SLC8A3: variants seen among roughly 807,000 people sequenced by gnomAD.
The protein encoded by SLC8A3 is solute carrier family 8 member A3.
SLC8A3 carries 37 observed loss-of-function variants against 65.4 expected under a neutral mutation model. That is an observed-to-expected ratio of 0.57 (90% confidence interval 0.44 to 0.74). SLC8A3 has a LOEUF of 0.74. SLC8A3 is among the 30% of genes least tolerant of loss of function. SLC8A3 has a pLI of 0.00. For missense variants in SLC8A3, 1,112 were observed against 1,172.1 expected (o/e 0.95, Z 0.75); for synonymous variants, 461 against 444.5 (o/e 1.04, Z -0.47).
chr14:70,185,880 C>T (rs910512281), intron 1 of SLC8A3, among the ~76,000 whole-genome samples: 7 of 152,196 alleles, frequency 4.6e-5, no homozygotes, highest in African/African-American at 1.7e-4. Context: ...ATTTTATTTG[C>T]ATCTGGACTT....
chr14:70,170,191 T>A (rs575749890), intron 1 of SLC8A3, among the ~76,000 whole-genome samples: 1 of 152,268 alleles, frequency 6.6e-6, no homozygotes, highest in South Asian at 2.1e-4. Flanking sequence ...AAAGACCAAA[T>A]TCTTTCCCAT....
At chr14:70,132,931 G>A (rs924712812) in intron 2 of SLC8A3, among the ~76,000 whole-genome samples, 9 of 152,014 alleles carry the variant, frequency 5.9e-5, no homozygotes, top group African/African-American at 2.2e-4. Context: ...CCTGCCTATG[G>A]TAACATCCTT....
intron 2 of SLC8A3, among the ~76,000 whole-genome samples, chr14:70,078,467 A>G (rs542941148): frequency 1.3e-5 from 2 of 152,324 alleles, no homozygotes; most frequent in African/African-American, 4.8e-5. Flanking sequence ...TCACTTAGTC[A>G]TACAACATCC....
chr14:70,177,007 C>G (rs1897948749), intron 1 of SLC8A3, among the ~76,000 whole-genome samples: 1 of 152,120 alleles, frequency 6.6e-6, no homozygotes, highest in Non-Finnish European at 1.5e-5. Context: ...TGTATGAAAC[C>G]CAGCTTATGT....
chr14:70,132,106 T>C (rs921624948), intron 2 of SLC8A3, among the ~76,000 whole-genome samples: 13 of 152,358 alleles, frequency 8.5e-5, no homozygotes, highest in African/African-American at 1.4e-4. Context: ...AGCCCTTGGC[T>C]CTTTCTGTGG....
intron 2 of SLC8A3, among the ~76,000 whole-genome samples, chr14:70,077,522 TG>T (rs964063239): frequency 7.9e-5 from 12 of 152,112 alleles, no homozygotes; most frequent in African/African-American, 2.9e-4. Flanking sequence ...TTTATCTCCA[TG>T]GGGGTATGTG....
At chr14:70,055,300 A>G (rs1212639176) in intron 3 of SLC8A3, among the ~76,000 whole-genome samples, 1 of 152,204 alleles carries the variant, frequency 6.6e-6, no homozygotes, top group Non-Finnish European at 1.5e-5. Context: ...GAAGATCTCC[A>G]GGACTGGTAA....
intron 2 of SLC8A3, among the ~76,000 whole-genome samples, chr14:70,094,515 T>TG (rs1304077299): frequency 6.6e-6 from 1 of 152,238 alleles, no homozygotes; most frequent in African/African-American, 2.4e-5. Context: ...AAAGAAATCT[T>TG]GGGGGAAGAA....
chr14:70,170,396 C>T (rs1594800606), intron 1 of SLC8A3, among the ~76,000 whole-genome samples: 1 of 152,330 alleles, frequency 6.6e-6, no homozygotes, highest in East Asian at 1.9e-4. Flanking sequence ...CTTCTTTGCA[C>T]TCCCCACTCT....
intron 2 of SLC8A3, among the ~76,000 whole-genome samples, chr14:70,134,045 T>C (rs1272845228): frequency 6.6e-6 from 1 of 152,194 alleles, no homozygotes; most frequent in Non-Finnish European, 1.5e-5. Context: ...TCAATTTGCT[T>C]TTGGGCACTT....
At chr14:70,158,476 A>G (rs1324827192) in intron 2 of SLC8A3, among the ~76,000 whole-genome samples, 1 of 152,242 alleles carries the variant, frequency 6.6e-6, no homozygotes, top group Non-Finnish European at 1.5e-5. Flanking sequence ...TTTGTTTTGC[A>G]GCCATATTTG....
At chr14:70,177,737 G>A (rs1037482746) in intron 1 of SLC8A3, among the ~76,000 whole-genome samples, 2 of 152,212 alleles carry the variant, frequency 1.3e-5, no homozygotes, top group Non-Finnish European at 2.9e-5. Context: ...TGTGTGCCTG[G>A]CCAAGGAATG....
chr14:70,182,147 C>T (rs1161713834), intron 1 of SLC8A3, among the ~76,000 whole-genome samples: 1 of 152,010 alleles, frequency 6.6e-6, no homozygotes, highest in Non-Finnish European at 1.5e-5. Flanking sequence ...TTGGAGGTTT[C>T]GAGCCAGGGT....
intron 2 of SLC8A3, among the ~76,000 whole-genome samples, chr14:70,098,511 G>A: frequency 6.6e-6 from 1 of 152,200 alleles, no homozygotes; most frequent in East Asian, 1.9e-4. Context: ...AGAGGGCAGG[G>A]AAGCAGGTGG....
chr14:70,180,576 C>T (rs370640931), intron 1 of SLC8A3, among the ~76,000 whole-genome samples: 1 of 152,188 alleles, frequency 6.6e-6, no homozygotes, highest in South Asian at 2.1e-4. Flanking sequence ...AGGATTCTTC[C>T]TGTCTCACTG....
intron 3 of SLC8A3, among the ~76,000 whole-genome samples, chr14:70,057,668 A>C (rs1268670063): frequency 1.3e-5 from 2 of 152,180 alleles, no homozygotes. Context: ...CAATACCTCG[A>C]GGGTGTTTTT....
At position 70,150,983 on chromosome 14, in the gene SLC8A3, G is replaced by A. The variant is rs377500985; in HGVS notation, c.1784+15656C>T. 4.3e-4 allele frequency among the ~76,000 whole-genome samples: 65 copies of A among 152,300 alleles called. No individual in the cohort carries two copies. The South Asian group carries it at 0.011, about 26-fold the overall frequency. On this transcript the variant is annotated intron_variant, in intron 2 of 6. Transcript: ENST00000356921. Reference sequence around the variant, plus strand: ...GTTTAAGAACTATCTGGCCAGGCGCGGTAGCTCATGCCTGTAATCCCCGCA... The same window carrying A: ...GTTTAAGAACTATCTGGCCAGGCGCAGTAGCTCATGCCTGTAATCCCCGCA...
rs911097210 is a variant in SLC8A3, at chr14:70,135,418, T to C, written c.1784+31221A>G. Among the ~76,000 whole-genome samples the C allele has an allele frequency of 9.1e-4, 138 of 152,316 alleles. 1 individual carries two copies. Among genetic ancestry groups the C allele is most frequent in the African/African-American group, 3.2e-3 (131 of 41,572 alleles). On this transcript the variant is annotated intron_variant, in intron 2 of 6. Coordinates refer to ENST00000356921, the MANE Select transcript of SLC8A3 (RefSeq NM_182932.3). Reference sequence around the variant, plus strand: ...ATATCCAAAAGAAAGGAAATCAGTATGTTGAAGAGATATTTTCACTTCCAT... The same window carrying C: ...ATATCCAAAAGAAAGGAAATCAGTACGTTGAAGAGATATTTTCACTTCCAT...
At chr14:70,050,315 G>T (rs933560945) in intron 5 of SLC8A3, among the ~76,000 whole-genome samples, 7 of 152,134 alleles carry the variant, frequency 4.6e-5, no homozygotes, top group African/African-American at 1.4e-4. Flanking sequence ...TGGCTCTGGG[G>T]CCTTGGGGAT....
Sources: allele counts gnomAD v4.1 joint callset (sites outside exome capture counted in the v4.1 genomes callset), GRCh38; gene constraint gnomAD v4.1.1; transcripts MANE v1.5; gene names NCBI Gene and HGNC (gene_info 2026-07-23, HGNC 2026-07-21).